CCDC171: variants seen among roughly 807,000 people sequenced by gnomAD.
The protein encoded by CCDC171 is coiled-coil domain-containing protein 171.
In CCDC171, 177 loss-of-function variants were observed where a neutral mutation model predicts 168.2. That is an observed-to-expected ratio of 1.05 (90% CI 0.93 to 1.19). The LOEUF is 1.19. Ranked by LOEUF, CCDC171 falls within the 50% of genes most tolerant of loss-of-function variation. The pLI is 0.00. For missense variants in CCDC171, 1,991 were observed against 1,539.0 expected, an observed-to-expected ratio of 1.29 and a Z score of -4.91; for synonymous variants, 687 against 540.8, an observed-to-expected ratio of 1.27 and a Z score of -3.75.
At chr9:15,961,014 CAA>C (rs905318263) in intron 25 of CCDC171, among the ~76,000 whole-genome samples, 1 of 146,762 alleles carries the variant, frequency 6.8e-6, no homozygotes, top group Admixed American at 6.8e-5. Context: ...GAGGGGCATG[CAA>C]AAAAAAATGG....
At chr9:15,821,365 G>A (rs534441698) in intron 21 of CCDC171, among the ~76,000 whole-genome samples, 1 of 116,622 alleles carries the variant, frequency 8.6e-6, no homozygotes, top group East Asian at 2.2e-4. Flanking sequence ...GGAAATAAAG[G>A]GCATTCAGTT....
Position 15,721,308 on chromosome 9 carries a change from A to G in CCDC171, c.1319-461A>G, listed in dbSNP as rs192120630. Among the ~76,000 whole-genome samples the G allele has an allele frequency of 9.8e-4, 149 of 152,164 alleles. 1 individual carries two copies. The highest frequency in any genetic ancestry group is 3.4e-3 in the African/African-American group (143 of 41,550). ...TATTATTTAAGCAAAATAGTGCAGTATAAAAGGCCTGACTAGTCAGAAACA... is the reference window on the plus strand; with the variant it reads ...TATTATTTAAGCAAAATAGTGCAGTGTAAAAGGCCTGACTAGTCAGAAACA... On this transcript the variant is annotated intron_variant, in intron 11 of 25. Coordinates refer to ENST00000380701, the MANE Select transcript of CCDC171 (RefSeq NM_173550.4).
At chr9:15,906,990 C>T (rs1822750989) in intron 24 of CCDC171, among the ~76,000 whole-genome samples, 1 of 152,004 alleles carries the variant, frequency 6.6e-6, no homozygotes, top group Admixed American at 6.6e-5. Flanking sequence ...CAAACCACTG[C>T]TCAATGAAAT....
At chr9:15,812,213 G>T (rs544860859) in intron 21 of CCDC171, among the ~76,000 whole-genome samples, 1 of 152,242 alleles carries the variant, frequency 6.6e-6, no homozygotes, top group African/African-American at 2.4e-5. Context: ...AAGAAACTAA[G>T]GGCATAGCTT....
rs770153451 is a variant in CCDC171 at position 15,564,143 on chromosome 9, CTCT to C, written c.41+19_41+21del. ...TGATACCCAAAGGTAAGCCTCTAGT[CTCT>C]TCTTTTAGTTGATGAACGTTTTTAG... On this transcript the variant is annotated intron_variant, in intron 2 of 25. Transcript: ENST00000380701. The C allele has an allele frequency of 5.0e-6, 8 of 1,594,946 alleles. No individual in the cohort carries two copies. The highest frequency in any genetic ancestry group is 1.4e-5 in the African/African-American group (1 of 73,928).
the CCDC171 span, among the ~76,000 whole-genome samples, chr9:16,083,848 A>G: frequency 6.6e-6 from 1 of 152,220 alleles, no homozygotes; most frequent in Admixed American, 6.5e-5. Flanking sequence ...TGTGATTTCA[A>G]GAACTCGCTG....
intron 23 of CCDC171, among the ~76,000 whole-genome samples, chr9:15,861,124 C>T (rs767314048): frequency 2.0e-5 from 3 of 151,642 alleles, no homozygotes; most frequent in Admixed American, 6.6e-5. Flanking sequence ...CAAATGGTAA[C>T]TAATGGAATA....
chr9:15,746,145 A>C (rs1440506546), intron 18 of CCDC171, among the ~76,000 whole-genome samples: 1 of 152,200 alleles, frequency 6.6e-6, no homozygotes, highest in Non-Finnish European at 1.5e-5. Context: ...CAAAAGTTTA[A>C]AATGCAAGTT....
intron 21 of CCDC171, among the ~76,000 whole-genome samples, chr9:15,794,095 A>T (rs1564420257): frequency 6.6e-6 from 1 of 151,942 alleles, no homozygotes; most frequent in Non-Finnish European, 1.5e-5. Flanking sequence ...CTTCATTAAG[A>T]AGGAAGTTTG....
At position 15,703,998 on chromosome 9, in the gene CCDC171, T is replaced by C. The variant is rs749047924; in HGVS notation, c.1318+8661T>C. On this transcript the variant is annotated intron_variant, in intron 11 of 25. Coordinates refer to ENST00000380701, the MANE Select transcript of CCDC171 (RefSeq NM_173550.4). ...AAATACTGCAAGAATTACCAAAATA[T>C]GACATGGAGACACAAAGAGAGCACA... Among the ~76,000 whole-genome samples, 3 of 152,290 alleles carry C rather than the reference T, an allele frequency of 2.0e-5. No homozygotes were observed. The East Asian group carries it at 5.8e-4, about 29-fold the overall frequency.
At chr9:16,042,897 GCAC>G (rs1461205678) in intron 1 of CCDC171, 1 of 152,160 alleles carries the variant, frequency 6.6e-6, no homozygotes, top group Non-Finnish European at 1.5e-5. Flanking sequence ...GTGAGCAAGT[GCAC>G]CAAGGACAAG....
chr9:15,814,761 C>A (rs960246340), intron 21 of CCDC171, among the ~76,000 whole-genome samples: 4 of 151,950 alleles, frequency 2.6e-5, no homozygotes, highest in African/African-American at 7.3e-5. Flanking sequence ...AATTACAGAT[C>A]TACTGATTTA....
intron 19 of CCDC171, among the ~76,000 whole-genome samples, chr9:15,778,057 G>A (rs1424768670): frequency 2.6e-5 from 4 of 151,612 alleles, no homozygotes; most frequent in African/African-American, 9.7e-5. Flanking sequence ...CAGCACTTTG[G>A]GAGGCCGAGG....
chr9:15,729,203 G>T (rs2054003521), intron 15 of CCDC171, among the ~76,000 whole-genome samples: 1 of 152,044 alleles, frequency 6.6e-6, no homozygotes, highest in Non-Finnish European at 1.5e-5. Flanking sequence ...AACAAAAAAT[G>T]GTTAGAACAT....
chr9:15,759,604 C>A (rs1355173), intron 18 of CCDC171, among the ~76,000 whole-genome samples: 71,004 of 151,862 alleles, frequency 0.47, 17,037 homozygotes, highest in African/African-American at 0.55. Context: ...TGATCTTGGC[C>A]TTCTTGAAGA....
At chr9:15,764,797 T>G (rs1375976151) in intron 18 of CCDC171, among the ~76,000 whole-genome samples, 1 of 152,328 alleles carries the variant, frequency 6.6e-6, no homozygotes, top group East Asian at 1.9e-4. Flanking sequence ...TTAACCCTGG[T>G]TGTACATTAG....
intron 2 of CCDC171, among the ~76,000 whole-genome samples, chr9:15,569,513 T>G (rs1587020804): frequency 6.6e-6 from 1 of 152,230 alleles, no homozygotes; most frequent in Non-Finnish European, 1.5e-5. Flanking sequence ...GTCTTCTAAT[T>G]TAAAAAATTT....
At chr9:15,700,824 A>G (rs2051672388) in intron 11 of CCDC171, among the ~76,000 whole-genome samples, 1 of 151,748 alleles carries the variant, frequency 6.6e-6, no homozygotes, top group Non-Finnish European at 1.5e-5. Flanking sequence ...TACTATTTTC[A>G]TAATAGCTGT....
chr9:16,028,187 GCACGTCCTGATACCA>G (rs1833308844), intron 6 of CCDC171, among the ~76,000 whole-genome samples: 1 of 152,166 alleles, frequency 6.6e-6, no homozygotes, highest in African/African-American at 2.4e-5. Context: ...TGTTGCAAAT[GCACGTCCTGATACCA>G]GACACTGAGG....
Sources: gnomAD v4.1 joint callset for allele counts (sites outside exome capture counted in the v4.1 genomes callset) on GRCh38, gnomAD v4.1.1 for gene constraint, MANE v1.5 for transcripts, NCBI Gene and HGNC (gene_info 2026-07-23, HGNC 2026-07-21) for gene names.